The following TNFAIP8L1 variants were observed in gnomAD, a reference collection of about 807,000 sequenced individuals.
The protein encoded by TNFAIP8L1 is TNF alpha induced protein 8 like 1, also known as tumor necrosis factor alpha-induced protein 8-like protein 1.
For synonymous variants in TNFAIP8L1, 127 were observed against 125.6 expected, an observed-to-expected ratio of 1.01 and a Z score of -0.08; for missense variants, 225 against 266.1, an observed-to-expected ratio of 0.85 and a Z score of 1.08.
rs878879350 is a variant in TNFAIP8L1, at chr19:4,652,615, C to T, written c.*185C>T. The T allele has an allele frequency of 8.6e-6, 5 of 580,944 alleles. No individual in the cohort carries two copies. The South Asian group carries it at 1.2e-4, about 14-fold the overall frequency. 36.0% of individuals were successfully genotyped at this position (580,944 alleles called of 1,614,324 possible). On this transcript the variant is annotated 3_prime_UTR_variant, in exon 2 of 2. Transcript: ENST00000327473. ...AGGCATCTGTAGCAGCTGTTTCAAA[C>T]ACCAATGTCACCTCTCCTCCTGGCC...
rs763433990 is a variant in TNFAIP8L1, at chr19:4,645,488, A to G, written c.-4+5859A>G. 9.9e-5 allele frequency among the ~76,000 whole-genome samples: 15 copies of G among 152,166 alleles called. No homozygotes were observed. Among genetic ancestry groups the G allele is most frequent in the Non-Finnish European group, 2.2e-4 (15 of 68,008 alleles). On this transcript the variant is annotated intron_variant, in intron 1 of 1. Coordinates refer to ENST00000327473, the MANE Select transcript of TNFAIP8L1 (RefSeq NM_152362.3). This position sits in a 1 kb window ranked among gnomAD's most constrained non-coding sequence, Gnocchi z 4.1. ...CTACTTGGGAGGCTGAGGCTGAGGC[A>G]GGAGAATCGCTTGAATCCGGGAGGC...
chr19:4,639,879 C>T (rs1382410111), intron 1 of TNFAIP8L1: 2 of 153,182 alleles, frequency 1.3e-5, no homozygotes, highest in Non-Finnish European at 2.9e-5. Flanking sequence ...CATGTGGACT[C>T]TAGTGGACTC....
chr19:4,648,065 A>G (rs2088328568), intron 1 of TNFAIP8L1, among the ~76,000 whole-genome samples: 1 of 152,232 alleles, frequency 6.6e-6, no homozygotes, highest in African/African-American at 2.4e-5. Context: ...CAACCTGGCC[A>G]GTACCAGGTG....
At chr19:4,649,854 C>T (rs2088345935) in intron 1 of TNFAIP8L1, among the ~76,000 whole-genome samples, 1 of 152,224 alleles carries the variant, frequency 6.6e-6, no homozygotes, top group Non-Finnish European at 1.5e-5. Context: ...CCTGCCCTGA[C>T]CTCAGAGGGC....
rs939881905 is a variant in TNFAIP8L1 at position 4,655,244 on chromosome 19, C to G, written c.*2814C>G. The G allele has an allele frequency of 3.3e-5, 5 of 152,240 alleles. No individual in the cohort carries two copies. Among genetic ancestry groups the G allele is most frequent in the African/African-American group, 1.2e-4 (5 of 41,438 alleles). The allele number at this position is 152,240 out of a possible 1,614,324, so 9.4% of individuals were successfully genotyped here. Reference sequence around the variant, plus strand: ...GACCCCAGACTCGGAGCAGCCTTCCCGTGGTTCGGTTTTTGCTTCCGCGAA... The same window carrying G: ...GACCCCAGACTCGGAGCAGCCTTCCGGTGGTTCGGTTTTTGCTTCCGCGAA... On this transcript the variant is annotated 3_prime_UTR_variant, in exon 2 of 2. Transcript: ENST00000327473.
At position 4,643,108 on chromosome 19, in the gene TNFAIP8L1, A is replaced by C. The variant is rs150293644; in HGVS notation, c.-4+3479A>C. ...AGCCTGACCAACATGGTGAAACCCC[A>C]TCTCTACTAAAAATACAAAAATTAC... On this transcript the variant is annotated intron_variant, in intron 1 of 1. Coordinates refer to ENST00000327473, the MANE Select transcript of TNFAIP8L1 (RefSeq NM_152362.3). Among the ~76,000 whole-genome samples the C allele has an allele frequency of 8.3e-3, 1,257 of 151,942 alleles. 14 individuals are homozygous for C. Among genetic ancestry groups the C allele is most frequent in the African/African-American group, 0.029 (1,199 of 41,446 alleles).
At chr19:4,640,943 C>T (rs1382381446) in intron 1 of TNFAIP8L1, 2 of 152,336 alleles carry the variant, frequency 1.3e-5, no homozygotes, top group African/African-American at 2.4e-5. Flanking sequence ...GCCACACAAA[C>T]ACCTGGGTGA....
At chr19:4,648,875 A>G (rs2088335931) in intron 1 of TNFAIP8L1, among the ~76,000 whole-genome samples, 1 of 147,612 alleles carries the variant, frequency 6.8e-6, no homozygotes, top group South Asian at 2.2e-4. Flanking sequence ...TGAACTGGGG[A>G]GGCTGGACCC....
intron 1 of TNFAIP8L1, chr19:4,642,507 A>G (rs1327850259): frequency 6.6e-6 from 1 of 151,918 alleles, no homozygotes; most frequent in Non-Finnish European, 1.5e-5. Flanking sequence ...AATTAAAAAT[A>G]TACACATAAA....
At position 4,654,776 on chromosome 19, in the gene TNFAIP8L1, T is replaced by TG. The variant is rs1027636991; in HGVS notation, c.*2351dup. 6.6e-6 allele frequency: 1 copy of TG among 151,954 alleles called. No individual in the cohort carries two copies. The highest frequency in any genetic ancestry group is 2.4e-5 in the African/African-American group (1 of 41,366). The allele number at this position is 151,954 out of a possible 1,614,324, so 9.4% of individuals were successfully genotyped here. On this transcript the variant is annotated 3_prime_UTR_variant, in exon 2 of 2. Transcript: ENST00000327473. ...CAGCTCAGGGCGTGGAGGCGTGGTGTGGGGGAGTCTATTTGCCATTTTTGT... is the reference window on the plus strand; with the variant it reads ...CAGCTCAGGGCGTGGAGGCGTGGTGTGGGGGGAGTCTATTTGCCATTTTTGT...
intron 1 of TNFAIP8L1, among the ~76,000 whole-genome samples, chr19:4,646,822 G>A (rs1466427934): frequency 1.3e-5 from 2 of 152,146 alleles, no homozygotes; most frequent in Non-Finnish European, 2.9e-5. Flanking sequence ...AGTAGAGACG[G>A]GGTTTCACCG....
intron 1 of TNFAIP8L1, among the ~76,000 whole-genome samples, chr19:4,647,856 C>T (rs1350541034): frequency 6.6e-6 from 1 of 151,880 alleles, no homozygotes; most frequent in Non-Finnish European, 1.5e-5. Flanking sequence ...TTGAACTTCC[C>T]AGTTCAAGCA....
chr19:4,644,357 T>C (rs2088290323), intron 1 of TNFAIP8L1, among the ~76,000 whole-genome samples: 1 of 139,140 alleles, frequency 7.2e-6, no homozygotes, highest in Admixed American at 7.6e-5. Flanking sequence ...CTGGGCAACA[T>C]AGCAAGACGC....
intron 1 of TNFAIP8L1, among the ~76,000 whole-genome samples, chr19:4,646,648 TGA>T (rs2088314067): frequency 6.6e-6 from 1 of 151,634 alleles, no homozygotes. Context: ...TTTTTTTTTT[TGA>T]GATGGAGTCT....
intron 1 of TNFAIP8L1, 123 bp from the exon 2 acceptor site, chr19:4,651,744 G>A (rs1326997710): frequency 3.5e-6 from 4 of 1,140,534 alleles, no homozygotes; most frequent in Non-Finnish European, 4.8e-6. Context: ...CACTGCGTCC[G>A]GCATGACACT....
intron 1 of TNFAIP8L1, among the ~76,000 whole-genome samples, chr19:4,646,895 G>T (rs934346627): frequency 2.0e-5 from 3 of 152,258 alleles, no homozygotes; most frequent in Non-Finnish European, 2.9e-5. Flanking sequence ...CTCCCAAAGT[G>T]CTGGGATTGC....
chr19:4,652,442 G>A lies in TNFAIP8L1; in HGVS notation c.*12G>A, dbSNP rs542350343. 7.4e-6 allele frequency: 11 copies of A among 1,494,886 alleles called. No homozygotes were observed. In the East Asian group the frequency reaches 1.3e-4, roughly 17 times the overall value. The allele number at this position is 1,494,886 out of a possible 1,614,324, so 92.6% of individuals were successfully genotyped here. A position where few individuals can be genotyped will look rare whatever the true frequency, so the allele number is the denominator to read the frequency against. ...AGGGCAGCCTCTGAACCCCGGCGCCGCCCAACCGCGCCCCTCGCGCCTTTT... is the reference window on the plus strand; with the variant it reads ...AGGGCAGCCTCTGAACCCCGGCGCCACCCAACCGCGCCCCTCGCGCCTTTT... On this transcript the variant is annotated 3_prime_UTR_variant, in exon 2 of 2. Transcript: ENST00000327473.
Position 4,655,441 on chromosome 19 carries a change from T to TA in TNFAIP8L1, c.*3015dup, listed in dbSNP as rs2088414870. 6.6e-6 allele frequency: 1 copy of TA among 152,210 alleles called. No homozygotes were observed. The highest frequency in any genetic ancestry group is 1.5e-5 in the Non-Finnish European group (1 of 68,038). 9.4% of individuals were successfully genotyped at this position (152,210 alleles called of 1,614,324 possible). ...CCTGTGCTGTTGAGACATCAGTGTG[T>TA]AAAACTCTCTGTGTCCCTGTTGGGC... On this transcript the variant is annotated 3_prime_UTR_variant, in exon 2 of 2. Coordinates refer to ENST00000327473, the MANE Select transcript of TNFAIP8L1 (RefSeq NM_152362.3).
chr19:4,646,692 G>A (rs985919119), intron 1 of TNFAIP8L1, among the ~76,000 whole-genome samples: 3 of 150,454 alleles, frequency 2.0e-5, no homozygotes, highest in Non-Finnish European at 4.4e-5. Context: ...GTACAGTGAC[G>A]TGATCTTGGC....
Sources: gnomAD v4.1 joint callset for allele counts (sites outside exome capture counted in the v4.1 genomes callset) on GRCh38, gnomAD v4.1.1 for gene constraint, Gnocchi (gnomAD v3.1) non-coding constraint, MANE v1.5 for transcripts, NCBI Gene and HGNC (gene_info 2026-07-23, HGNC 2026-07-21) for gene names.